The following GRM5 variants were observed in gnomAD, a reference collection of about 807,000 sequenced individuals.
GRM5 encodes the protein metabotropic glutamate receptor 5.
Under a neutral mutation model 83.1 loss-of-function variants are expected in GRM5, and 19 were observed. That is an observed-to-expected ratio of 0.23 (90% CI 0.16 to 0.34). GRM5 has a LOEUF of 0.34. Among genes scored for constraint, GRM5 ranks in the 10% least tolerant of loss-of-function variants. The probability of loss-of-function intolerance (pLI) is 1.00; values close to 1 mark genes in which losing one functional copy is unlikely to be tolerated. For synonymous variants in GRM5, 675 were observed against 633.6 expected (o/e 1.07, Z -0.98); for missense variants, 1,160 against 1,588.3 (o/e 0.73, Z 4.58).
intron 2 of GRM5, among the ~76,000 whole-genome samples, chr11:89,027,270 A>G (rs1197554763): frequency 6.6e-6 from 1 of 151,890 alleles, no homozygotes; most frequent in Admixed American, 6.6e-5. Context: ...AAATTTTTGT[A>G]TTTTTGGTAG....
intron 2 of GRM5, among the ~76,000 whole-genome samples, chr11:88,928,907 T>TATATATAC (rs369951090): frequency 0.32 from 44,840 of 138,500 alleles, 8,303 homozygotes; most frequent in Non-Finnish European, 0.41. Context: ...TATGTGTATA[T>TATATATAC]ACACACACAC....
intron 2 of GRM5, among the ~76,000 whole-genome samples, chr11:88,873,168 A>G (rs1383231485): frequency 6.6e-6 from 1 of 151,688 alleles, no homozygotes; most frequent in African/African-American, 2.4e-5. Flanking sequence ...TAACAAATAT[A>G]AATATACATG....
chr11:88,528,517 A>C (rs1941932739), intron 8 of GRM5, among the ~76,000 whole-genome samples: 1 of 152,064 alleles, frequency 6.6e-6, no homozygotes, highest in Non-Finnish European at 1.5e-5. Flanking sequence ...TATTTTAGAA[A>C]TATGGAATTG....
At chr11:88,750,110 G>T (rs922798407) in intron 3 of GRM5, among the ~76,000 whole-genome samples, 1 of 152,078 alleles carries the variant, frequency 6.6e-6, no homozygotes, top group African/African-American at 2.4e-5. Context: ...ATGTAAATGG[G>T]CTAAATGACC....
rs1945027301 is a variant in GRM5, at chr11:88,885,450, G to GGTTTTTTTTTTTTTTTTTTTT, written c.662-35296_662-35295insAAAAAAAAAAAAAAAAAAAAC. 4.0e-4 allele frequency among the ~76,000 whole-genome samples: 25 copies of GGTTTTTTTTTTTTTTTTTTTT among 62,664 alleles called. 10 individuals carry two copies. Among genetic ancestry groups the GGTTTTTTTTTTTTTTTTTTTT allele is most frequent in the African/African-American group, 9.5e-4 (16 of 16,892 alleles). 41.1% of individuals were successfully genotyped at this position (62,664 alleles called of 152,430 possible). ...TTCTGAATTCTATAGTAGGTACCAT[G>GGTTTTTTTTTTTTTTTTTTTT]TTTTTTTTTTTTTTTTTTTTTTTTT... On this transcript the variant is annotated intron_variant, in intron 2 of 9. Transcript: ENST00000305447.
chr11:88,510,984 T>G (rs1941354099), intron 9 of GRM5, among the ~76,000 whole-genome samples: 1 of 152,162 alleles, frequency 6.6e-6, no homozygotes, highest in Non-Finnish European at 1.5e-5. Context: ...AGACTACAGT[T>G]TTATCATCAC....
At chr11:88,707,397 T>C (rs1591454877) in intron 3 of GRM5, among the ~76,000 whole-genome samples, 1 of 152,040 alleles carries the variant, frequency 6.6e-6, no homozygotes, top group East Asian at 1.9e-4. Context: ...TGAGGGGAGA[T>C]AGAGATGTCT....
chr11:88,509,567 TC>T, intron 9 of GRM5, 63 bp from the exon 10 acceptor site: 1 of 1,243,620 alleles, frequency 8.0e-7, no homozygotes, highest in African/African-American at 1.5e-5. Flanking sequence ...GGATGCCGCT[TC>T]CCCAATGGTG....
At chr11:88,793,786 G>T (rs1362935913) in intron 3 of GRM5, among the ~76,000 whole-genome samples, 1 of 152,126 alleles carries the variant, frequency 6.6e-6, no homozygotes, top group Non-Finnish European at 1.5e-5. Flanking sequence ...GGGATAGGTT[G>T]GGAAAGGAAA....
At chr11:88,890,130 C>CATCCCCAT (rs1228716177) in intron 2 of GRM5, among the ~76,000 whole-genome samples, 1 of 151,584 alleles carries the variant, frequency 6.6e-6, no homozygotes, top group South Asian at 2.1e-4. Context: ...CACATCCCCA[C>CATCCCCAT]ATCCCCACCC....
At chr11:88,958,569 T>A (rs1050824414) in intron 2 of GRM5, among the ~76,000 whole-genome samples, 9 of 152,142 alleles carry the variant, frequency 5.9e-5, no homozygotes, top group African/African-American at 2.2e-4. Flanking sequence ...ACATCTTTCA[T>A]TTAGCATAAA....
chr11:88,754,735 C>A (rs180990240), intron 3 of GRM5, among the ~76,000 whole-genome samples: 1 of 152,116 alleles, frequency 6.6e-6, no homozygotes, highest in African/African-American at 2.4e-5. Context: ...TATTAACTAT[C>A]ATCATCATCA....
intron 3 of GRM5, among the ~76,000 whole-genome samples, chr11:88,798,820 A>AAAAAAAAAAAAAAAAAAAAAAAAAAAC (rs1555017418): frequency 7.3e-6 from 1 of 136,288 alleles, no homozygotes; most frequent in East Asian, 2.2e-4. Flanking sequence ...AAAAAAAAAA[A>AAAAAAAAAAAAAAAAAAAAAAAAAAAC]AAAAAAACAA....
At chr11:89,052,778 G>T (rs1223560603) in intron 1 of GRM5, among the ~76,000 whole-genome samples, 2 of 152,160 alleles carry the variant, frequency 1.3e-5, no homozygotes, top group African/African-American at 4.8e-5. Flanking sequence ...ATTCCAATAA[G>T]AATTTCCTTT....
intron 2 of GRM5, among the ~76,000 whole-genome samples, chr11:88,938,425 A>C (rs1404736367): frequency 6.6e-6 from 1 of 151,664 alleles, no homozygotes; most frequent in South Asian, 2.1e-4. Flanking sequence ...TTACTTAAGA[A>C]ACAGAGCCTG....
At chr11:89,020,497 ACAGT>A (rs1271676830) in intron 2 of GRM5, among the ~76,000 whole-genome samples, 1 of 152,216 alleles carries the variant, frequency 6.6e-6, no homozygotes, top group East Asian at 1.9e-4. Flanking sequence ...GTGGGTGCTG[ACAGT>A]CAGAGAATTA....
chr11:88,984,900 ATGT>A (rs1429059490), intron 2 of GRM5: 4 of 652,352 alleles, frequency 6.1e-6, no homozygotes, highest in South Asian at 3.5e-5. Context: ...AATAAATTTT[ATGT>A]TGTTATCAAT....
chr11:88,830,449 T>G (rs72643332), intron 3 of GRM5, among the ~76,000 whole-genome samples: 13,371 of 152,112 alleles, frequency 0.088, 1,092 homozygotes, highest in African/African-American at 0.22. Context: ...ATAATCACAC[T>G]TTGAATGTAT....
chr11:88,946,598 G>A (rs1938290424), intron 2 of GRM5, among the ~76,000 whole-genome samples: 1 of 152,046 alleles, frequency 6.6e-6, no homozygotes, highest in African/African-American at 2.4e-5. Context: ...TCACTTACAA[G>A]TAGGAGCTAA....
Sources: gnomAD v4.1 joint callset for allele counts (sites outside exome capture counted in the v4.1 genomes callset) on GRCh38, gnomAD v4.1.1 for gene constraint, MANE v1.5 for transcripts, NCBI Gene and HGNC (gene_info 2026-07-23, HGNC 2026-07-21) for gene names.